The following CELF2 variants were observed in gnomAD, a reference collection of about 807,000 sequenced individuals.
CELF2 encodes CUG triplet repeat RNA-binding protein 2.
A neutral mutation model predicts 62.6 loss-of-function variants in CELF2; 8 were observed. The observed-to-expected ratio is 0.13, with a 90% CI of 0.07 to 0.23. The LOEUF is 0.23. Among genes scored for constraint, CELF2 ranks in the 10% least tolerant of loss-of-function variants. The pLI, the probability that CELF2 is intolerant of heterozygous loss-of-function variation, is 1.00. For missense variants in CELF2, 333 were observed against 671.0 expected, an observed-to-expected ratio of 0.50 and a Z score of 5.56; for synonymous variants, 258 against 250.0, an observed-to-expected ratio of 1.03 and a Z score of -0.30.
the CELF2 span, among the ~76,000 whole-genome samples, chr10:10,546,683 G>A: frequency 2.0e-5 from 3 of 152,218 alleles, no homozygotes; most frequent in African/African-American, 4.8e-5. Flanking sequence ...TATGTTGTAG[G>A]TGAATTATTT....
chr10:10,667,986 C>T, the CELF2 span, among the ~76,000 whole-genome samples: 3 of 152,140 alleles, frequency 2.0e-5, no homozygotes, highest in African/African-American at 7.2e-5. Context: ...CAAACAAGCA[C>T]CCGTGCCAGC....
At chr10:10,605,712 G>A in the CELF2 span, among the ~76,000 whole-genome samples, 1 of 152,186 alleles carries the variant, frequency 6.6e-6, no homozygotes, top group African/African-American at 2.4e-5. Context: ...ATGTGTGTTT[G>A]CGCAAATATT....
chr10:10,825,295 C>T (rs1158235763), intron 1 of CELF2, among the ~76,000 whole-genome samples: 2 of 152,130 alleles, frequency 1.3e-5, no homozygotes, highest in Non-Finnish European at 2.9e-5. Context: ...CTGCAAGCTC[C>T]GCCTCCCAGG....
At chr10:10,685,469 A>C in the CELF2 span, among the ~76,000 whole-genome samples, 2 of 152,190 alleles carry the variant, frequency 1.3e-5, no homozygotes, top group African/African-American at 4.8e-5. Context: ...ACAGAGCCGT[A>C]ACTTATAATG....
intron 2 of CELF2, among the ~76,000 whole-genome samples, chr10:10,956,665 A>G (rs957896601): frequency 1.3e-5 from 2 of 152,194 alleles, no homozygotes; most frequent in African/African-American, 4.8e-5. Flanking sequence ...CAGTGGTTCA[A>G]GCTTGTAATC....
At chr10:10,705,925 C>G in the CELF2 span, among the ~76,000 whole-genome samples, 1 of 152,200 alleles carries the variant, frequency 6.6e-6, no homozygotes, top group Non-Finnish European at 1.5e-5. Context: ...AGATGGTCAC[C>G]TACTTATGAT....
intron 2 of CELF2, among the ~76,000 whole-genome samples, chr10:10,975,343 C>T (rs1447317273): frequency 2.0e-5 from 3 of 152,132 alleles, no homozygotes; most frequent in Non-Finnish European, 2.9e-5. Context: ...GTGTCAAACT[C>T]CTGGGCTAAA....
At chr10:11,294,782 G>A (rs1450511902) in intron 9 of CELF2, among the ~76,000 whole-genome samples, 6 of 152,208 alleles carry the variant, frequency 3.9e-5, no homozygotes, top group African/African-American at 1.4e-4. Context: ...GCAGTGGCAG[G>A]TGCCAGTAAT....
Position 11,227,959 on chromosome 10 carries a change from AGT to A in CELF2, c.354+10457_354+10458del, listed in dbSNP as rs1315519569. ...CACGGTATTATTGTTTCCTCAGAAG[AGT>A]GTGTATTTAAATACCTGCCAGGAAA... On this transcript the variant is annotated intron_variant, in intron 3 of 12. Coordinates refer to ENST00000633077, the MANE Select transcript of CELF2 (RefSeq NM_001326342.2). This position sits in a 1 kb window ranked among gnomAD's most constrained non-coding sequence, Gnocchi z 4.8. 6.6e-6 allele frequency among the ~76,000 whole-genome samples: 1 copy of A among 152,188 alleles called. No individual in the cohort carries two copies. Among genetic ancestry groups the A allele is most frequent in the African/African-American group, 2.4e-5 (1 of 41,434 alleles).
the CELF2 span, among the ~76,000 whole-genome samples, chr10:10,656,145 G>C: frequency 2.7e-5 from 4 of 146,168 alleles, no homozygotes; most frequent in African/African-American, 1.0e-4. Context: ...GGCCATCAGA[G>C]AAATGCAAAT....
the CELF2 span, among the ~76,000 whole-genome samples, chr10:10,469,154 T>C: frequency 2.6e-5 from 4 of 152,014 alleles, no homozygotes; most frequent in African/African-American, 4.8e-5. Context: ...ATATTATTGA[T>C]GTTTGTTTAC....
At position 11,285,709 on chromosome 10, in the gene CELF2, C is replaced by T. The variant is rs755650807; in HGVS notation, c.842-2709C>T. Among the ~76,000 whole-genome samples, 2 of 152,152 alleles carry T rather than the reference C, an allele frequency of 1.3e-5. No homozygotes were observed. The highest frequency in any genetic ancestry group is 2.9e-5 in the Non-Finnish European group (2 of 68,022). The stretch of plus-strand genomic sequence containing the variant: ...TAATAAATAATGGGGAAAACTAAAA[C>T]CTTGGCTAGCTCTGTACAGACAATA... On this transcript the variant is annotated intron_variant, in intron 8 of 12. Transcript: ENST00000633077. This position sits in a 1 kb window ranked among gnomAD's most constrained non-coding sequence, Gnocchi z 4.3.
In CELF2 at chr10:11,098,806, A is replaced by C. The variant is rs2050642769; in HGVS notation, c.75-66680A>C. ...AACTGCTGGACAGCTGATTTGACCG[A>C]GGCTTCTTGGCTCTGCACCGGGTGA... is the stretch of plus-strand genomic sequence containing the variant. On this transcript the variant is annotated intron_variant, in intron 1 of 12. Coordinates refer to ENST00000633077, the MANE Select transcript of CELF2 (RefSeq NM_001326342.2). This position sits in a 1 kb window ranked among gnomAD's most constrained non-coding sequence, Gnocchi z 4.0. Among the ~76,000 whole-genome samples, 1 of 152,154 alleles carries C rather than the reference A, an allele frequency of 6.6e-6. No individual in the cohort carries two copies. The highest frequency in any genetic ancestry group is 2.1e-4 in the South Asian group (1 of 4,830).
At position 11,018,103 on chromosome 10, in the gene CELF2, TCAA is replaced by T; in HGVS notation, c.15_17del (p.Phe5_Lys6delinsLeu). 1.3e-6 allele frequency: 2 copies of T among 1,504,130 alleles called. No individual in the cohort carries two copies. The highest frequency in any genetic ancestry group is 1.2e-5 in the South Asian group (1 of 83,248). 93.2% of individuals were successfully genotyped at this position (1,504,130 alleles called of 1,614,324 possible). On this transcript the variant is annotated inframe_deletion, in exon 1 of 13. Coordinates refer to ENST00000633077, the MANE Select transcript of CELF2 (RefSeq NM_001326342.2). Reference sequence around the variant, plus strand: ...GCGCCCGCGAACATGACTTCTGCCTTCAAGCTGGATTTCCTCCCGGACATGATG... The same window carrying T: ...GCGCCCGCGAACATGACTTCTGCCTTGCTGGATTTCCTCCCGGACATGATG...
the CELF2 span, among the ~76,000 whole-genome samples, chr10:10,594,010 G>A: frequency 0.033 from 5,005 of 152,270 alleles, 192 homozygotes; most frequent in Admixed American, 0.083. Flanking sequence ...TGACTTCATC[G>A]TGATCATTAT....
rs1013755535 is a variant in CELF2 at position 11,012,518 on chromosome 10, A to C, written c.53+7078A>C. 6.6e-6 allele frequency among the ~76,000 whole-genome samples: 1 copy of C among 152,126 alleles called. No individual in the cohort carries two copies. The highest frequency in any genetic ancestry group is 1.5e-5 in the Non-Finnish European group (1 of 68,020). The stretch of plus-strand genomic sequence containing the variant: ...AGACAACCCCACCCTCAAGCTTACC[A>C]CATCCATTTCTCTTCCTTTCACCCC... On this transcript the variant is annotated intron_variant, in intron 1 of 12. Transcript: ENST00000416382. The surrounding 1 kb of genome is among the most constrained non-coding windows in gnomAD (Gnocchi z 5.5).
the CELF2 span, among the ~76,000 whole-genome samples, chr10:10,469,602 C>T: frequency 6.6e-6 from 1 of 151,870 alleles, no homozygotes; most frequent in Admixed American, 6.6e-5. Context: ...TACCAGTTGT[C>T]ACCTTGCCTT....
At chr10:10,631,669 C>CG in the CELF2 span, among the ~76,000 whole-genome samples, 1 of 152,286 alleles carries the variant, frequency 6.6e-6, no homozygotes, top group South Asian at 2.1e-4. Flanking sequence ...ATCCACTGGA[C>CG]GTTTTCTTCT....
chr10:10,475,294 G>T, the CELF2 span, among the ~76,000 whole-genome samples: 3 of 151,920 alleles, frequency 2.0e-5, no homozygotes, highest in Non-Finnish European at 4.4e-5. Flanking sequence ...ATTTCAGTGG[G>T]TTCCTGATGG....
Sources: allele counts gnomAD v4.1 joint callset (sites outside exome capture counted in the v4.1 genomes callset), GRCh38; gene constraint gnomAD v4.1.1; non-coding constraint Gnocchi (gnomAD v3.1); transcripts MANE v1.5; gene names NCBI Gene and HGNC (gene_info 2026-07-23, HGNC 2026-07-21).